Variants in MGAT5 observed in about 807,000 individuals in gnomAD.
MGAT5 encodes the protein alpha-1,6-mannosylglycoprotein 6-beta-N-acetylglucosaminyltransferase, also known as alpha-1,6-mannosylglycoprotein 6-beta-N-acetylglucosaminyltransferase A.
Under a neutral mutation model 94.3 loss-of-function variants are expected in MGAT5, and 30 were observed. That is an observed-to-expected ratio of 0.32 (90% CI 0.24 to 0.43). The LOEUF (loss-of-function observed/expected upper bound fraction) is 0.43, where lower values mean the gene tolerates loss of function less well. Among genes scored for constraint, MGAT5 ranks in the 20% least tolerant of loss-of-function variants. MGAT5 has a pLI of 1.00. For synonymous variants in MGAT5, 310 were observed against 322.9 expected (o/e 0.96, Z 0.43); for missense variants, 691 against 905.5 (o/e 0.76, Z 3.04).
intron 1 of MGAT5, among the ~76,000 whole-genome samples, chr2:134,137,252 G>T (rs1261749414): frequency 6.6e-6 from 1 of 152,174 alleles, no homozygotes; most frequent in Non-Finnish European, 1.5e-5. Flanking sequence ...TTTCCTGTTG[G>T]CGTATGGCTT....
At position 134,334,978 on chromosome 2, in the gene MGAT5, A is replaced by AG. The variant is rs1206379881; in HGVS notation, c.574-1239_574-1238insG. ...GATAAGAGAATATTTCACTTTTCCT[A>AG]TTCAGAGATTCCGCCCTCTCCCCAA... On this transcript the variant is annotated intron_variant, in intron 4 of 15. Transcript: ENST00000281923. Among the ~76,000 whole-genome samples the AG allele has an allele frequency of 2.0e-5, 3 of 152,164 alleles. No homozygotes were observed. The East Asian group carries it at 5.8e-4, about 29-fold the overall frequency.
intron 2 of MGAT5, among the ~76,000 whole-genome samples, chr2:134,290,899 G>A (rs569905166): frequency 6.6e-6 from 1 of 152,226 alleles, no homozygotes; most frequent in Non-Finnish European, 1.5e-5. Context: ...TATGGAGTTG[G>A]AGGATCAATT....
intron 1 of MGAT5, among the ~76,000 whole-genome samples, chr2:134,154,139 CTT>C (rs1687364037): frequency 6.6e-6 from 1 of 152,134 alleles, no homozygotes; most frequent in Admixed American, 6.5e-5. Flanking sequence ...AATACATAGA[CTT>C]TGTGGCCAAT....
intron 10 of MGAT5, among the ~76,000 whole-genome samples, chr2:134,366,427 A>G (rs1228806228): frequency 1.3e-5 from 2 of 152,212 alleles, no homozygotes; most frequent in African/African-American, 4.8e-5. Flanking sequence ...TGATCCTACT[A>G]TGATCTTAAT....
At chr2:134,393,167 G>A (rs949860507) in intron 10 of MGAT5, among the ~76,000 whole-genome samples, 7 of 152,162 alleles carry the variant, frequency 4.6e-5, no homozygotes, top group African/African-American at 1.2e-4. Flanking sequence ...GGAACTTGCC[G>A]AAGTCCCATA....
At chr2:134,153,386 A>AT (rs1198991813) in intron 1 of MGAT5, among the ~76,000 whole-genome samples, 2 of 152,080 alleles carry the variant, frequency 1.3e-5, no homozygotes, top group Admixed American at 6.5e-5. Flanking sequence ...GAATTGTAAA[A>AT]TTCCTCCTGG....
chr2:134,300,666 A>G (rs567234984), intron 2 of MGAT5, among the ~76,000 whole-genome samples: 1 of 152,226 alleles, frequency 6.6e-6, no homozygotes, highest in African/African-American at 2.4e-5. Context: ...AAAGAGATGG[A>G]CCCTTTAGCA....
rs573448210 is a variant in MGAT5, at chr2:134,158,178, C to T, written c.-143+37887C>T. Among the ~76,000 whole-genome samples, 16 of 152,296 alleles carry T rather than the reference C, an allele frequency of 1.1e-4. No individual in the cohort carries two copies. The South Asian group carries it at 3.3e-3, about 32-fold the overall frequency. On this transcript the variant is annotated intron_variant, in intron 1 of 16. Transcript: ENST00000409645. ...CCCCCAGGCCTCAGGCCATCCCTGGCGTGAAGGTGGGGTTTTACCTTCCAT... is the reference window on the plus strand; with the variant it reads ...CCCCCAGGCCTCAGGCCATCCCTGGTGTGAAGGTGGGGTTTTACCTTCCAT...
intron 12 of MGAT5, among the ~76,000 whole-genome samples, chr2:134,418,920 C>T (rs1309571727): frequency 3.3e-5 from 5 of 152,216 alleles, no homozygotes; most frequent in African/African-American, 4.8e-5. Context: ...GTGGGTTACC[C>T]TGTCCTGCTC....
At chr2:134,218,061 C>T (rs555470533) in intron 1 of MGAT5, among the ~76,000 whole-genome samples, 1 of 152,318 alleles carries the variant, frequency 6.6e-6, no homozygotes, top group Admixed American at 6.5e-5. Context: ...GTTCTTGGTC[C>T]TACTCTTCCA....
intron 2 of MGAT5, among the ~76,000 whole-genome samples, chr2:134,283,677 G>C (rs1347840924): frequency 1.3e-5 from 1 of 77,942 alleles, no homozygotes; most frequent in Non-Finnish European, 2.3e-5. Context: ...TTTTTTTACA[G>C]AAACTCTTCT....
At chr2:134,215,565 A>G (rs1680450341) in intron 1 of MGAT5, among the ~76,000 whole-genome samples, 1 of 152,216 alleles carries the variant, frequency 6.6e-6, no homozygotes, top group Non-Finnish European at 1.5e-5. Flanking sequence ...AAGCTTATCC[A>G]TTCTCAAGAG....
At chr2:134,257,836 C>CTTTTTT (rs10628858) in intron 1 of MGAT5, among the ~76,000 whole-genome samples, 5,573 of 106,286 alleles carry the variant, frequency 0.052, 497 homozygotes, top group African/African-American at 0.18. Context: ...TTTGCAGTCT[C>CTTTTTT]TTTTTTTTTT....
intron 14 of MGAT5, among the ~76,000 whole-genome samples, chr2:134,429,853 C>A (rs986993257): frequency 6.6e-6 from 1 of 152,176 alleles, no homozygotes; most frequent in South Asian, 2.1e-4. Flanking sequence ...AATATAACAT[C>A]TAATTCTCAC....
intron 4 of MGAT5, chr2:134,319,978 T>C: frequency 5.0e-6 from 1 of 199,758 alleles, no homozygotes; most frequent in Non-Finnish European, 1.1e-5. Flanking sequence ...AGTGATGTTT[T>C]ATGAGTTCCC....
intron 1 of MGAT5, among the ~76,000 whole-genome samples, chr2:134,125,972 G>A (rs552019248): frequency 1.3e-5 from 2 of 152,236 alleles, no homozygotes; most frequent in African/African-American, 4.8e-5. Context: ...GGAGCATGGG[G>A]TAGGTGAGGA....
chr2:134,335,158 C>T lies in MGAT5; in HGVS notation c.574-1059C>T, dbSNP rs561255419. Among the ~76,000 whole-genome samples, 8 of 151,978 alleles carry T rather than the reference C, an allele frequency of 5.3e-5. No individual in the cohort carries two copies. The South Asian group carries it at 1.7e-3, about 32-fold the overall frequency. On this transcript the variant is annotated intron_variant, in intron 4 of 15. Transcript: ENST00000281923. ...ACTGACATGTTTCTTTGAAAACTTACCCAGACTGAGAGGGCACACTGTCTT... is the reference window on the plus strand; with the variant it reads ...ACTGACATGTTTCTTTGAAAACTTATCCAGACTGAGAGGGCACACTGTCTT...
chr2:134,377,531 A>G (rs11681014), intron 10 of MGAT5, among the ~76,000 whole-genome samples: 70,018 of 152,146 alleles, frequency 0.46, 19,161 homozygotes, highest in Non-Finnish European at 0.61. Context: ...TGTCCTCAAG[A>G]GTACATGATT....
Position 134,177,548 on chromosome 2 carries a change from G to A in MGAT5, c.-143+57257G>A, listed in dbSNP as rs772490879. Among the ~76,000 whole-genome samples, 9 of 152,294 alleles carry A rather than the reference G, an allele frequency of 5.9e-5. 1 individual carries two copies. The highest frequency in any genetic ancestry group is 1.3e-4 in the Admixed American group (2 of 15,304). On this transcript the variant is annotated intron_variant, in intron 1 of 16. Coordinates refer to the MGAT5 transcript ENST00000409645. The stretch of plus-strand genomic sequence containing the variant: ...GAGTGCGGATTTCAGTGAGTAGCTG[G>A]CATTCCTCTCGCCTGCCCTTTCCCG...
Sources: allele counts gnomAD v4.1 joint callset (sites outside exome capture counted in the v4.1 genomes callset), GRCh38; gene constraint gnomAD v4.1.1; transcripts MANE v1.5; gene names NCBI Gene and HGNC (gene_info 2026-07-23, HGNC 2026-07-21).